ERCC8: variants seen among roughly 807,000 people sequenced by gnomAD.
ERCC8 encodes the protein DNA excision repair protein ERCC-8.
A neutral mutation model predicts 54.9 loss-of-function variants in ERCC8; 52 were observed. That is an observed-to-expected ratio of 0.95 (90% CI 0.76 to 1.19). ERCC8 has a LOEUF of 1.19. ERCC8 is among the 50% of genes most tolerant of loss of function. The probability of loss-of-function intolerance (pLI) is 0.00; values close to 1 mark genes in which losing one functional copy is unlikely to be tolerated. For synonymous variants in ERCC8, 146 were observed against 157.2 expected (o/e 0.93, Z 0.53); for missense variants, 514 against 466.1 (o/e 1.10, Z -0.95).
chr5:60,938,044 CATACATATATATATATAT>C (rs1186478599), intron 1 of ERCC8, among the ~76,000 whole-genome samples: 269 of 16,706 alleles, frequency 0.016, 2 homozygotes, highest in African/African-American at 0.031. Context: ...TACATACATA[CATACATATATATATATAT>C]ATATATATAT....
Position 60,928,968 on chromosome 5 carries a change from TA to T in ERCC8, c.78-10del. On this transcript the variant is annotated splice_polypyrimidine_tract_variant and intron_variant, in intron 1 of 11. Coordinates refer to ENST00000676185, the MANE Select transcript of ERCC8 (RefSeq NM_000082.4). ...ATTCCAGTCCCAAAACTCTTAAAAA[TA>T]AAAGGGGGAGAAAGAAATTAACAAG... 2.0e-6 allele frequency: 3 copies of T among 1,477,578 alleles called. No homozygotes were observed. Among genetic ancestry groups the T allele is most frequent in the Non-Finnish European group, 2.8e-6 (3 of 1,058,434 alleles). 91.5% of individuals were successfully genotyped at this position (1,477,578 alleles called of 1,614,324 possible).
chr5:60,925,993 T>A (rs1749737451), intron 2 of ERCC8, among the ~76,000 whole-genome samples: 1 of 151,994 alleles, frequency 6.6e-6, no homozygotes, highest in Admixed American at 6.6e-5. Context: ...CTGGCTAATT[T>A]TTTCTATTTT....
chr5:60,903,646 A>G lies in ERCC8; in HGVS notation c.550+2T>C. 6.2e-7 allele frequency: 1 copy of G among 1,612,496 alleles called. No individual in the cohort carries two copies. The highest frequency in any genetic ancestry group is 8.5e-7 in the Non-Finnish European group (1 of 1,179,026). ...TTGCCGTTTGAAATAAAATAAAAAT[A>G]CCCTGTAGAATGTGAGAACAGGATC... On this transcript the variant is annotated splice_donor_variant, in intron 6 of 11. Coordinates refer to ENST00000676185, the MANE Select transcript of ERCC8 (RefSeq NM_000082.4). LOFTEE classifies it high-confidence loss of function.
At chr5:60,937,980 C>A (rs2112544704) in intron 1 of ERCC8, among the ~76,000 whole-genome samples, 1 of 141,736 alleles carries the variant, frequency 7.1e-6, no homozygotes, top group African/African-American at 2.6e-5. Flanking sequence ...GCTACATATT[C>A]TTTTTGTTCA....
chr5:60,902,396 CTTA>C (rs1033405110), intron 7 of ERCC8, 43 bp downstream of exon 7: 13 of 1,371,032 alleles, frequency 9.5e-6, no homozygotes, highest in African/African-American at 2.9e-5. Flanking sequence ...TTTCAAAATG[CTTA>C]TTATTAATTA....
At chr5:60,938,650 G>A (rs776033048) in intron 1 of ERCC8, among the ~76,000 whole-genome samples, 7 of 152,140 alleles carry the variant, frequency 4.6e-5, no homozygotes, top group Non-Finnish European at 1.0e-4. Context: ...CACAGCGCCC[G>A]GCTGAATTTG....
intron 1 of ERCC8, among the ~76,000 whole-genome samples, chr5:60,933,105 C>T (rs747535326): frequency 2.0e-5 from 3 of 151,536 alleles, no homozygotes; most frequent in Non-Finnish European, 2.9e-5. Context: ...CCCAAATTTC[C>T]TATTTAATTT....
intron 11 of ERCC8, among the ~76,000 whole-genome samples, chr5:60,886,804 T>C (rs1040876427): frequency 2.6e-5 from 4 of 151,048 alleles, no homozygotes; most frequent in African/African-American, 9.7e-5. Flanking sequence ...TAATTCCACT[T>C]TTAGGAATCT....
intron 1 of ERCC8, among the ~76,000 whole-genome samples, chr5:60,937,004 T>C (rs1286975550): frequency 6.6e-6 from 1 of 152,198 alleles, no homozygotes; most frequent in Non-Finnish European, 1.5e-5. Flanking sequence ...TCCCCTAAGG[T>C]TGGGGCTTCC....
At chr5:60,911,459 T>C (rs181390025) in intron 4 of ERCC8, among the ~76,000 whole-genome samples, 98 of 152,164 alleles carry the variant, frequency 6.4e-4, no homozygotes, top group African/African-American at 2.1e-3. Context: ...TCTTGTAAAT[T>C]TGTTTAAGTT....
intron 9 of ERCC8, 56 bp from the exon 10 acceptor site, chr5:60,891,142 A>G (rs1395314835): frequency 8.3e-6 from 10 of 1,205,940 alleles, no homozygotes; most frequent in Admixed American, 5.3e-5. Flanking sequence ...TTAAAACACA[A>G]CAAAGCCTAG....
At chr5:60,900,895 G>A (rs1227582908) in intron 7 of ERCC8, 2 of 151,964 alleles carry the variant, frequency 1.3e-5, no homozygotes, top group Admixed American at 1.3e-4. Flanking sequence ...AGCATAACCA[G>A]CACCTAGCTC....
chr5:60,930,848 T>C lies in ERCC8; in HGVS notation c.78-1889A>G, dbSNP rs1561515761. On this transcript the variant is annotated intron_variant, in intron 1 of 11. Transcript: ENST00000676185. ...CAGGCCGGGCATGGTGGCTCATGCC[T>C]GTAATCCCAGCACTTTGGGAGGCCA... Among the ~76,000 whole-genome samples the C allele has an allele frequency of 3.3e-5, 5 of 152,316 alleles. No homozygotes were observed. In the South Asian group the frequency reaches 8.3e-4, roughly 25 times the overall value.
In ERCC8 at chr5:60,909,243, G is replaced by GAA. The variant is rs60064294; in HGVS notation, c.400-4372_400-4371dup. Among the ~76,000 whole-genome samples the GAA allele has an allele frequency of 1.1e-3, 22 of 19,946 alleles. 3 individuals are homozygous for GAA. Among genetic ancestry groups the GAA allele is most frequent in the Non-Finnish European group, 1.7e-3 (19 of 11,232 alleles). The allele number at this position is 19,946 out of a possible 152,430, so 13.1% of individuals were successfully genotyped here. A position where few individuals can be genotyped will look rare whatever the true frequency, so the allele number is the denominator to read the frequency against. ...AATGCAGACAAAAATGCCCTATTCTGAAAAAAAAAAAAAAAAAAAAAAAAA... is the reference window on the plus strand; with the variant it reads ...AATGCAGACAAAAATGCCCTATTCTGAAAAAAAAAAAAAAAAAAAAAAAAAAA... On this transcript the variant is annotated intron_variant, in intron 4 of 11. Transcript: ENST00000676185.
rs1747887687 is a variant in ERCC8, at chr5:60,872,662, A to C, written c.*1953T>G. On this transcript the variant is annotated 3_prime_UTR_variant, in exon 12 of 12. Transcript: ENST00000676185. ...AAGTGTTGGCAAGGATGTGAAGAAA[A>C]AGGATTTCTTGCATTATTGTGAAGA... Among the ~76,000 whole-genome samples, 1 of 152,226 alleles carries C rather than the reference A, an allele frequency of 6.6e-6. No homozygotes were observed. The highest frequency in any genetic ancestry group is 1.5e-5 in the Non-Finnish European group (1 of 68,032).
chr5:60,904,483 C>G (rs1413703238), intron 5 of ERCC8, among the ~76,000 whole-genome samples: 1 of 151,388 alleles, frequency 6.6e-6, no homozygotes, highest in Non-Finnish European at 1.5e-5. Flanking sequence ...CATGTAAAAT[C>G]TCTGAAACTT....
intron 2 of ERCC8, among the ~76,000 whole-genome samples, chr5:60,923,445 T>A (rs1317722386): frequency 1.3e-5 from 2 of 152,086 alleles, no homozygotes; most frequent in Non-Finnish European, 2.9e-5. Flanking sequence ...TGTCTAAAAA[T>A]CATCTTTAAA....
At chr5:60,900,109 T>C (rs1748833090) in intron 7 of ERCC8, among the ~76,000 whole-genome samples, 1 of 152,012 alleles carries the variant, frequency 6.6e-6, no homozygotes, top group African/African-American at 2.4e-5. Flanking sequence ...AGACAAGCAA[T>C]TAACTAATTT....
At chr5:60,940,082 A>G (rs553622791) in intron 1 of ERCC8, among the ~76,000 whole-genome samples, 138 of 152,046 alleles carry the variant, frequency 9.1e-4, no homozygotes, top group African/African-American at 3.2e-3. Context: ...TTTTGAATCT[A>G]CCCTCCTAAT....
Sources: allele counts gnomAD v4.1 joint callset (sites outside exome capture counted in the v4.1 genomes callset), GRCh38; gene constraint gnomAD v4.1.1; transcripts MANE v1.5; gene names NCBI Gene and HGNC (gene_info 2026-07-23, HGNC 2026-07-21).